Variants in ATXN7L1 observed in about 807,000 individuals in gnomAD.
ATXN7L1 encodes the protein ataxin-7-like protein 1.
ATXN7L1 carries 15 observed loss-of-function variants against 70.8 expected under a neutral mutation model. The ratio of observed to expected loss-of-function variants is 0.21; its 90% CI spans 0.14 to 0.33. The LOEUF is 0.33. Among genes scored for constraint, ATXN7L1 ranks in the 10% least tolerant of loss-of-function variants. The probability of loss-of-function intolerance (pLI) is 1.00; values close to 1 mark genes in which losing one functional copy is unlikely to be tolerated. For synonymous variants in ATXN7L1, 440 were observed against 445.1 expected (o/e 0.99, Z 0.14); for missense variants, 975 against 1,097.1 (o/e 0.89, Z 1.57).
chr7:105,625,490 A>G (rs1795567730), intron 7 of ATXN7L1, among the ~76,000 whole-genome samples: 1 of 152,158 alleles, frequency 6.6e-6, no homozygotes, highest in Non-Finnish European at 1.5e-5. Flanking sequence ...ACCTCAGGTG[A>G]TCTGCCCACC....
chr7:105,667,245 T>C (rs2116079484), intron 3 of ATXN7L1, among the ~76,000 whole-genome samples: 1 of 152,288 alleles, frequency 6.6e-6, no homozygotes, highest in South Asian at 2.1e-4. Context: ...GGTGAGGTGA[T>C]TGCCAGGGTC....
intron 7 of ATXN7L1, among the ~76,000 whole-genome samples, chr7:105,626,123 C>T (rs756462707): frequency 6.6e-6 from 1 of 152,128 alleles, no homozygotes; most frequent in East Asian, 1.9e-4. Flanking sequence ...AAACCACAAA[C>T]GTGAAAACAA....
chr7:105,840,888 T>C (rs553246539), intron 2 of ATXN7L1, among the ~76,000 whole-genome samples: 2 of 152,318 alleles, frequency 1.3e-5, no homozygotes, highest in South Asian at 2.1e-4. Context: ...CATGGAGTGA[T>C]GGCAATCTCA....
intron 3 of ATXN7L1, among the ~76,000 whole-genome samples, chr7:105,699,690 A>T (rs1198099923): frequency 6.6e-6 from 1 of 152,154 alleles, no homozygotes; most frequent in South Asian, 2.1e-4. Flanking sequence ...AAGCACTGTG[A>T]TCTCTTGTCT....
intron 2 of ATXN7L1, among the ~76,000 whole-genome samples, chr7:105,871,941 A>G (rs1818328277): frequency 6.6e-6 from 1 of 152,158 alleles, no homozygotes; most frequent in Non-Finnish European, 1.5e-5. Flanking sequence ...AAAGTCTGCA[A>G]GTCCTTGCTG....
In ATXN7L1 at chr7:105,643,030, C is replaced by T; in HGVS notation, c.670G>A (p.Ala224Thr). ...NVKMNSTTTT[A>T]VSASSTSSSA... ...GACGAGGTGGAGGAGGCAGAAACTG[C>T]AGTAGTGGTTGTGGAGTTCATTTTG... Residue 224 changes from alanine to threonine, a missense_variant, in exon 5 of 12, where the codon GCA (alanine) becomes ACA (threonine). Transcript: ENST00000419735. 6.4e-7 allele frequency: 1 copy of T among 1,551,710 alleles called. No individual in the cohort carries two copies.
intron 2 of ATXN7L1, among the ~76,000 whole-genome samples, chr7:105,864,117 T>C (rs539297444): frequency 6.6e-6 from 1 of 152,068 alleles, no homozygotes; most frequent in East Asian, 1.9e-4. Flanking sequence ...ACAGTAGTTC[T>C]CAAAGTTCAG....
chr7:105,665,277 C>A lies in ATXN7L1; in HGVS notation c.367G>T (p.Gly123Cys), dbSNP rs779883896. ...GAGGGAGAAGGTCTACACATTGAAC[C>A]GTGTCTTCTCTCTACAGGGGCAGAA... The part of the protein sequence containing the change: ...VFQSHCERRH[G>C]SMCRPSPSPV... The change falls in exon 4 of 12, where the codon GGT (glycine) becomes TGT (cysteine). Residue 123 changes from glycine to cysteine, a missense_variant. By Grantham distance (159) the Gly-to-Cys change is radical (BLOSUM62 -3). Coordinates refer to ENST00000419735, the MANE Select transcript of ATXN7L1 (RefSeq NM_020725.2). 3.2e-6 allele frequency: 5 copies of A among 1,551,244 alleles called. No homozygotes were observed. Among genetic ancestry groups the A allele is most frequent in the Non-Finnish European group, 4.4e-6 (5 of 1,146,826 alleles).
intron 3 of ATXN7L1, among the ~76,000 whole-genome samples, chr7:105,703,337 T>C (rs1472323033): frequency 6.6e-6 from 1 of 151,168 alleles, no homozygotes; most frequent in Non-Finnish European, 1.5e-5. Context: ...AAGTATAACT[T>C]GTATTTTATT....
At chr7:105,708,040 T>C (rs1455313410) in intron 3 of ATXN7L1, among the ~76,000 whole-genome samples, 1 of 152,252 alleles carries the variant, frequency 6.6e-6, no homozygotes, top group Non-Finnish European at 1.5e-5. Context: ...ATAAAATACG[T>C]GGCTGCTGTT....
chr7:105,684,884 T>C lies in ATXN7L1; in HGVS notation c.356-19596A>G, dbSNP rs116077678. On this transcript the variant is annotated intron_variant, in intron 3 of 11. Transcript: ENST00000419735. Reference sequence around the variant, plus strand: ...GCAGGTGTCTCACGTGGCCCACATTTCTTCATCTCCCTGGTAGGATCTTGT... The same window carrying C: ...GCAGGTGTCTCACGTGGCCCACATTCCTTCATCTCCCTGGTAGGATCTTGT... Among the ~76,000 whole-genome samples, 361 of 152,270 alleles carry C rather than the reference T, an allele frequency of 2.4e-3. 1 individual carries two copies. The highest frequency in any genetic ancestry group is 8.3e-3 in the African/African-American group (346 of 41,554).
intron 2 of ATXN7L1, among the ~76,000 whole-genome samples, chr7:105,801,771 C>G (rs903961806): frequency 6.6e-6 from 1 of 152,148 alleles, no homozygotes; most frequent in Non-Finnish European, 1.5e-5. Context: ...CATCTTTTCC[C>G]AACTTCATAT....
chr7:105,751,849 C>T (rs1168254791), intron 3 of ATXN7L1, among the ~76,000 whole-genome samples: 1 of 152,232 alleles, frequency 6.6e-6, no homozygotes, highest in Non-Finnish European at 1.5e-5. Flanking sequence ...GAGCCGTCAG[C>T]TCTGCCTTTC....
intron 2 of ATXN7L1, among the ~76,000 whole-genome samples, chr7:105,799,642 T>C (rs1481111139): frequency 1.3e-5 from 2 of 152,148 alleles, no homozygotes; most frequent in African/African-American, 4.8e-5. Flanking sequence ...GTCAAGGCTA[T>C]TGGATCCCCA....
intron 3 of ATXN7L1, among the ~76,000 whole-genome samples, chr7:105,714,524 G>A (rs1794297478): frequency 2.0e-5 from 3 of 152,164 alleles, no homozygotes; most frequent in Non-Finnish European, 4.4e-5. Flanking sequence ...ACATATTACA[G>A]TTTTGAGTCA....
At chr7:105,636,450 C>A (rs1434989684) in intron 7 of ATXN7L1, among the ~76,000 whole-genome samples, 1 of 149,716 alleles carries the variant, frequency 6.7e-6, no homozygotes, top group Non-Finnish European at 1.5e-5. Flanking sequence ...TTCCTCTGCC[C>A]CCCCCACCCC....
At chr7:105,872,331 T>G (rs991112009) in intron 2 of ATXN7L1, among the ~76,000 whole-genome samples, 4 of 152,100 alleles carry the variant, frequency 2.6e-5, no homozygotes, top group Admixed American at 2.0e-4. Flanking sequence ...CAGCCTAACT[T>G]CTCTTCCTGA....
chr7:105,872,897 G>A (rs1818480551), intron 2 of ATXN7L1, among the ~76,000 whole-genome samples: 1 of 151,458 alleles, frequency 6.6e-6, no homozygotes, highest in South Asian at 2.1e-4. Context: ...GCTCATGCCT[G>A]TAATCCCAGC....
chr7:105,626,977 G>A (rs74924683), intron 7 of ATXN7L1, among the ~76,000 whole-genome samples: 3,992 of 152,262 alleles, frequency 0.026, 77 homozygotes, highest in South Asian at 0.043. Context: ...TGTTGTGGAC[G>A]TGTTTCCATA....
Sources: gnomAD v4.1 joint callset for allele counts (sites outside exome capture counted in the v4.1 genomes callset) on GRCh38, gnomAD v4.1.1 for gene constraint, MANE v1.5 for transcripts, NCBI Gene and HGNC (gene_info 2026-07-23, HGNC 2026-07-21) for gene names.